Variants in NKAIN3 observed in about 807,000 individuals in gnomAD.
NKAIN3 encodes the protein sodium/potassium transporting ATPase interacting 3.
Under a neutral mutation model 30.2 loss-of-function variants are expected in NKAIN3, and 25 were observed. The observed-to-expected ratio is 0.83, with a 90% CI of 0.60 to 1.16. NKAIN3 has a LOEUF of 1.16. Ranked by LOEUF, NKAIN3 falls within the 50% of genes most tolerant of loss-of-function variation. The pLI is 0.00. For synonymous variants in NKAIN3, 91 were observed against 89.6 expected (o/e 1.02, Z -0.09); for missense variants, 225 against 254.1 (o/e 0.89, Z 0.78).
In NKAIN3 at chr8:62,535,155, C is replaced by T. The variant is rs181611091; in HGVS notation, c.55-44384C>T. On this transcript the variant is annotated intron_variant, in intron 1 of 6. Coordinates refer to ENST00000623646, the MANE Select transcript of NKAIN3 (RefSeq NM_001304533.3). ...TAGCAGATGAGCACTGAGTTGAATT[C>T]GTACACTATTTGTCTCATTGAAGTA... 2.4e-3 allele frequency among the ~76,000 whole-genome samples: 371 copies of T among 152,206 alleles called. 3 individuals carry two copies. The highest frequency in any genetic ancestry group is 8.5e-3 in the African/African-American group (353 of 41,534).
At chr8:62,417,525 T>C (rs1411187984) in intron 1 of NKAIN3, among the ~76,000 whole-genome samples, 3 of 152,212 alleles carry the variant, frequency 2.0e-5, no homozygotes, top group African/African-American at 7.2e-5. Flanking sequence ...AGCTCTATTT[T>C]TAGTTTTTTG....
At chr8:62,565,453 C>A (rs1439522141) in intron 1 of NKAIN3, among the ~76,000 whole-genome samples, 1 of 151,928 alleles carries the variant, frequency 6.6e-6, no homozygotes, top group Non-Finnish European at 1.5e-5. Flanking sequence ...AAAACAACAA[C>A]TAAAGTTTCT....
intron 1 of NKAIN3, among the ~76,000 whole-genome samples, chr8:62,468,344 A>G (rs918041222): frequency 6.6e-5 from 10 of 152,334 alleles, no homozygotes; most frequent in Admixed American, 2.0e-4. Context: ...TCTCAGTTTT[A>G]TCATTTAATC....
chr8:62,443,215 C>T (rs973737270), intron 1 of NKAIN3, among the ~76,000 whole-genome samples: 1 of 151,664 alleles, frequency 6.6e-6, no homozygotes, highest in Non-Finnish European at 1.5e-5. Flanking sequence ...ATCTATTTTT[C>T]CTATAGATGT....
chr8:62,812,570 G>T (rs569269087), intron 4 of NKAIN3, among the ~76,000 whole-genome samples: 23 of 151,530 alleles, frequency 1.5e-4, no homozygotes, highest in African/African-American at 4.8e-4. Flanking sequence ...ATATTATTCT[G>T]TAACCTTGCT....
chr8:62,957,853 G>A (rs907423837), intron 6 of NKAIN3, among the ~76,000 whole-genome samples: 4 of 152,114 alleles, frequency 2.6e-5, no homozygotes, highest in Non-Finnish European at 4.4e-5. Context: ...TAATGTAAAC[G>A]ATAGGCTTCG....
rs186433574 is a variant in NKAIN3 at position 62,322,878 on chromosome 8, G to A, written c.54+73751G>A. Among the ~76,000 whole-genome samples, 387 of 152,322 alleles carry A rather than the reference G, an allele frequency of 2.5e-3. 1 individual carries two copies. Among genetic ancestry groups the A allele is most frequent in the African/African-American group, 8.8e-3 (366 of 41,580 alleles). On this transcript the variant is annotated intron_variant, in intron 1 of 6. Transcript: ENST00000623646. ...AAAGATGTGAACAGGTTTCTCACCA[G>A]AGAAGATGCACAGATCGCTAATAAA...
intron 1 of NKAIN3, among the ~76,000 whole-genome samples, chr8:62,401,247 AT>A (rs550612799): frequency 7.9e-5 from 12 of 152,090 alleles, no homozygotes; most frequent in Non-Finnish European, 1.3e-4. Context: ...AGTCAATTGC[AT>A]TTTTTTAACT....
intron 1 of NKAIN3, among the ~76,000 whole-genome samples, chr8:62,403,265 G>A (rs1803948442): frequency 6.6e-6 from 1 of 152,160 alleles, no homozygotes; most frequent in Non-Finnish European, 1.5e-5. Flanking sequence ...TTTGCAGCCT[G>A]ACAATGTGAT....
chr8:62,587,424 T>A (rs1350501643), intron 2 of NKAIN3, among the ~76,000 whole-genome samples: 1 of 152,024 alleles, frequency 6.6e-6, no homozygotes, highest in Non-Finnish European at 1.5e-5. Flanking sequence ...ACTGTCATTC[T>A]AAAATAAATT....
intron 3 of NKAIN3, among the ~76,000 whole-genome samples, chr8:62,598,327 G>C (rs1810892895): frequency 6.6e-6 from 1 of 152,136 alleles, no homozygotes; most frequent in Middle Eastern, 3.4e-3. Context: ...AAGTAAAGCT[G>C]CCCCCTGTGG....
chr8:62,453,846 A>G (rs552009453), intron 1 of NKAIN3, among the ~76,000 whole-genome samples: 43 of 152,282 alleles, frequency 2.8e-4, no homozygotes, highest in African/African-American at 9.6e-4. Flanking sequence ...GAATCTCTGA[A>G]CAGACCAATA....
At chr8:62,270,933 C>T (rs1319362694) in intron 1 of NKAIN3, among the ~76,000 whole-genome samples, 1 of 152,092 alleles carries the variant, frequency 6.6e-6, no homozygotes, top group Admixed American at 6.6e-5. Context: ...AATTTTTCTT[C>T]CTGTTCATTT....
intron 4 of NKAIN3, among the ~76,000 whole-genome samples, chr8:62,748,345 GA>G (rs796096512): frequency 2.6e-4 from 38 of 148,546 alleles, no homozygotes; most frequent in Middle Eastern, 3.6e-3. Flanking sequence ...CTCTTTCTGG[GA>G]AAAAAAAAAA....
Position 62,707,052 on chromosome 8 carries a change from T to TACACACACACAC in NKAIN3, c.274-39877_274-39876insCACACACACACA, listed in dbSNP as rs1219559233. ...TGGCTGCATAGTATTCCATCATACATACATACACACACACACACACACACA... is the reference window on the plus strand; with the variant it reads ...TGGCTGCATAGTATTCCATCATACATACACACACACACACATACACACACACACACACACACA... On this transcript the variant is annotated intron_variant, in intron 3 of 6. Transcript: ENST00000623646. 2.6e-3 allele frequency among the ~76,000 whole-genome samples: 262 copies of TACACACACACAC among 99,256 alleles called. 1 individual carries two copies. The highest frequency in any genetic ancestry group is 7.3e-3 in the African/African-American group (244 of 33,276). 65.1% of individuals were successfully genotyped at this position (99,256 alleles called of 152,430 possible).
chr8:62,837,729 C>G (rs1203544820), intron 4 of NKAIN3, among the ~76,000 whole-genome samples: 4 of 151,996 alleles, frequency 2.6e-5, no homozygotes, highest in African/African-American at 9.7e-5. Context: ...ATGCAATATG[C>G]TTTGGGGTTA....
At chr8:62,377,134 T>C in intron 1 of NKAIN3, among the ~76,000 whole-genome samples, 1 of 152,128 alleles carries the variant, frequency 6.6e-6, no homozygotes, top group East Asian at 1.9e-4. Context: ...ACTGCCTAAT[T>C]CGCATTTAAT....
intron 1 of NKAIN3, among the ~76,000 whole-genome samples, chr8:62,421,814 G>T (rs1286557358): frequency 1.3e-5 from 2 of 151,950 alleles, no homozygotes; most frequent in Non-Finnish European, 2.9e-5. Context: ...CATAATGTAG[G>T]TCCTGTTGTC....
chr8:62,824,347 C>T (rs1818950904), intron 4 of NKAIN3, among the ~76,000 whole-genome samples: 1 of 152,104 alleles, frequency 6.6e-6, no homozygotes, highest in Non-Finnish European at 1.5e-5. Flanking sequence ...TTGCAGTATT[C>T]TCATTGTTTC....
Sources: gnomAD v4.1 joint callset for allele counts (sites outside exome capture counted in the v4.1 genomes callset) on GRCh38, gnomAD v4.1.1 for gene constraint, MANE v1.5 for transcripts, NCBI Gene and HGNC (gene_info 2026-07-23, HGNC 2026-07-21) for gene names.